The following SLC9A2 variants were observed in gnomAD, a reference collection of about 807,000 sequenced individuals.
SLC9A2 encodes the protein sodium/hydrogen exchanger 2.
Under a neutral mutation model 71.7 loss-of-function variants are expected in SLC9A2, and 42 were observed. That is an observed-to-expected ratio of 0.59 (90% CI 0.46 to 0.76). The LOEUF (loss-of-function observed/expected upper bound fraction) is 0.76. SLC9A2 is among the 30% of genes least tolerant of loss of function. SLC9A2 has a pLI of 0.00. For missense variants in SLC9A2, 829 were observed against 1,017.4 expected (o/e 0.81, Z 2.52); for synonymous variants, 396 against 392.5 (o/e 1.01, Z -0.10).
intron 11 of SLC9A2, among the ~76,000 whole-genome samples, chr2:102,706,761 C>A (rs1677987944): frequency 6.6e-6 from 1 of 152,144 alleles, no homozygotes; most frequent in Non-Finnish European, 1.5e-5. Context: ...AGTTGTAAGT[C>A]TGCAAATGTT....
intron 1 of SLC9A2, among the ~76,000 whole-genome samples, chr2:102,632,001 T>C (rs1371881800): frequency 1.2e-4 from 3 of 25,962 alleles, no homozygotes; most frequent in African/African-American, 5.2e-4. Flanking sequence ...TGGGGATATA[T>C]ATATATATAT....
intron 9 of SLC9A2, among the ~76,000 whole-genome samples, chr2:102,703,042 G>A (rs575444913): frequency 4.1e-4 from 62 of 152,128 alleles, no homozygotes; most frequent in African/African-American, 1.4e-3. Context: ...TACTGTTGTC[G>A]CCATTTCACA....
intron 10 of SLC9A2, among the ~76,000 whole-genome samples, 198 bp downstream of exon 10, chr2:102,704,873 T>C (rs1677944243): frequency 6.6e-6 from 1 of 152,116 alleles, no homozygotes; most frequent in Admixed American, 6.5e-5. Flanking sequence ...TTCAAGGAAC[T>C]GTCAATAGAT....
At chr2:102,651,749 T>C (rs2104515477) in intron 1 of SLC9A2, among the ~76,000 whole-genome samples, 1 of 152,346 alleles carries the variant, frequency 6.6e-6, no homozygotes, top group Non-Finnish European at 1.5e-5. Flanking sequence ...GTTTAACACA[T>C]TGCTACACCC....
chr2:102,697,854 T>C (rs1677796495), intron 7 of SLC9A2, among the ~76,000 whole-genome samples: 2 of 151,788 alleles, frequency 1.3e-5, no homozygotes, highest in Non-Finnish European at 1.5e-5. Context: ...GGATTTCCAG[T>C]GGTTCTGCCA....
rs146781618 is a variant in SLC9A2 at position 102,645,403 on chromosome 2, G to A, written c.290-12161G>A. On this transcript the variant is annotated intron_variant, in intron 1 of 11. Coordinates refer to ENST00000233969, the MANE Select transcript of SLC9A2 (RefSeq NM_003048.6). ...CCAGAATGCCTCTTCTCCTCCAAATGATAACAACTCCTCTCCAGCAAGGGC... is the reference window on the plus strand; with the variant it reads ...CCAGAATGCCTCTTCTCCTCCAAATAATAACAACTCCTCTCCAGCAAGGGC... 9.3e-4 allele frequency among the ~76,000 whole-genome samples: 142 copies of A among 152,216 alleles called. 1 individual carries two copies. The highest frequency in any genetic ancestry group is 3.0e-3 in the African/African-American group (123 of 41,560).
At chr2:102,657,154 C>T (rs974879384) in intron 1 of SLC9A2, among the ~76,000 whole-genome samples, 4 of 150,898 alleles carry the variant, frequency 2.7e-5, no homozygotes, top group African/African-American at 4.9e-5. Flanking sequence ...TGCAGTGAGC[C>T]GAGATTATGC....
In SLC9A2 at chr2:102,619,906, C is replaced by G; in HGVS notation, c.58C>G (p.Leu20Val). The G allele has an allele frequency of 6.3e-7, 1 of 1,595,848 alleles. No homozygotes were observed. The highest frequency in any genetic ancestry group is 1.8e-4 in the Middle Eastern group (1 of 5,646). The change falls in exon 1 of 12, where the codon CTG (leucine) becomes GTG (valine). Residue 20 changes from leucine (L) to valine (V), a missense_variant. By Grantham distance (32) the Leu-to-Val change is conservative. Around this residue, in one of 3 missense-constraint regions of SLC9A2, gnomAD observed 106 missense variants for 93.5 expected, o/e 1.13. Transcript: ENST00000233969. This position sits in a 1 kb window ranked among gnomAD's most constrained non-coding sequence, Gnocchi z 4.3. ...GGCGCCACTGCCTCCGATGCTGTTGCTGCTGCTCCTGCAGGTGGCGGGGCC... is the reference window on the plus strand; with the variant it reads ...GGCGCCACTGCCTCCGATGCTGTTGGTGCTGCTCCTGCAGGTGGCGGGGCC... ...LRAPLPPMLL[L>V]LLLQVAGPVG...
intron 3 of SLC9A2, among the ~76,000 whole-genome samples, chr2:102,682,481 G>A (rs1478422064): frequency 6.6e-6 from 1 of 152,196 alleles, no homozygotes; most frequent in Non-Finnish European, 1.5e-5. Flanking sequence ...CAGGAGTGTG[G>A]ACTTGACCCT....
intron 3 of SLC9A2, among the ~76,000 whole-genome samples, chr2:102,675,018 G>C (rs1677322900): frequency 6.6e-6 from 1 of 152,174 alleles, no homozygotes. Context: ...CCTGGGGTTT[G>C]GAGAACTGTC....
chr2:102,678,003 A>T (rs566816559), intron 3 of SLC9A2, among the ~76,000 whole-genome samples: 1 of 66,022 alleles, frequency 1.5e-5, no homozygotes, highest in East Asian at 8.4e-4. Context: ...TCCCTGAATT[A>T]CTCACTTCCT....
Position 102,708,547 on chromosome 2 carries a change from C to G in SLC9A2, c.*58C>G. On this transcript the variant is annotated 3_prime_UTR_variant, in exon 12 of 12. Coordinates refer to ENST00000233969, the MANE Select transcript of SLC9A2 (RefSeq NM_003048.6). ...CCCAGGACAGCTGTGGTTTGTCACT[C>G]TGAAACCTGATGCAACAGTGGAATC... 6.5e-7 allele frequency: 1 copy of G among 1,546,794 alleles called. No homozygotes were observed. Among genetic ancestry groups the G allele is most frequent in the Non-Finnish European group, 8.7e-7 (1 of 1,145,238 alleles).
intron 1 of SLC9A2, among the ~76,000 whole-genome samples, chr2:102,624,798 A>C (rs1676213059): frequency 6.6e-6 from 1 of 152,142 alleles, no homozygotes; most frequent in South Asian, 2.1e-4. Context: ...ATATTCTTAT[A>C]ATTTTAAGGG....
chr2:102,694,535 G>T, intron 6 of SLC9A2, 32 bp downstream of exon 6: 2 of 1,120,704 alleles, frequency 1.8e-6, no homozygotes, highest in South Asian at 1.8e-5. Context: ...TAATTTTAAT[G>T]ATAAAGGAAA....
At chr2:102,700,043 G>A (rs748664085) in intron 7 of SLC9A2, among the ~76,000 whole-genome samples, 13 of 152,176 alleles carry the variant, frequency 8.5e-5, no homozygotes, top group Non-Finnish European at 4.4e-5. Context: ...AATTTTTGGC[G>A]GGACACAATT....
chr2:102,694,973 G>T (rs1677727099), intron 6 of SLC9A2, 70 bp from the exon 7 acceptor site: 2 of 1,301,596 alleles, frequency 1.5e-6, no homozygotes, highest in East Asian at 2.3e-5. Flanking sequence ...GTTTAGAAAT[G>T]ATACAAGTAG....
At chr2:102,679,692 T>C (rs1677414185) in intron 3 of SLC9A2, among the ~76,000 whole-genome samples, 1 of 152,198 alleles carries the variant, frequency 6.6e-6, no homozygotes, top group Non-Finnish European at 1.5e-5. Context: ...AAGCTATATT[T>C]TAATTGTTTC....
intron 1 of SLC9A2, among the ~76,000 whole-genome samples, chr2:102,626,303 C>G (rs1399046236): frequency 4.6e-5 from 7 of 152,022 alleles, no homozygotes; most frequent in Non-Finnish European, 1.0e-4. Context: ...ACAAACCTGA[C>G]AAAAACAAGA....
intron 1 of SLC9A2, among the ~76,000 whole-genome samples, chr2:102,642,065 T>A (rs905380552): frequency 6.9e-6 from 1 of 145,082 alleles, no homozygotes; most frequent in African/African-American, 2.5e-5. Context: ...ATAATAATAA[T>A]AAAGAAATAC....
Sources: gnomAD v4.1 joint callset for allele counts (sites outside exome capture counted in the v4.1 genomes callset) on GRCh38, gnomAD v4.1.1 for gene constraint, gnomAD v4.1.1 regional missense constraint, Gnocchi (gnomAD v3.1) non-coding constraint, MANE v1.5 for transcripts, NCBI Gene and HGNC (gene_info 2026-07-23, HGNC 2026-07-21) for gene names.